TBC1D19: variants seen among roughly 807,000 people sequenced by gnomAD.
TBC1D19 encodes TBC1 domain family, member 19.
A neutral mutation model predicts 89.0 loss-of-function variants in TBC1D19; 60 were observed. The observed-to-expected ratio is 0.67, with a 90% CI of 0.55 to 0.84. The LOEUF is 0.84. Among genes scored for constraint, TBC1D19 ranks in the 40% least tolerant of loss-of-function variants. The probability of loss-of-function intolerance (pLI) is 0.00; values close to 1 mark genes in which losing one functional copy is unlikely to be tolerated. For missense variants in TBC1D19, 500 were observed against 610.8 expected (o/e 0.82, Z 1.91); for synonymous variants, 189 against 199.7 (o/e 0.95, Z 0.45).
chr4:26,667,148 A>G (rs1389692893), intron 9 of TBC1D19, among the ~76,000 whole-genome samples: 2 of 152,004 alleles, frequency 1.3e-5, no homozygotes, highest in Non-Finnish European at 2.9e-5. Flanking sequence ...CATTGGGCAC[A>G]TACTATATGT....
intron 15 of TBC1D19, among the ~76,000 whole-genome samples, chr4:26,730,327 A>T (rs1423187868): frequency 2.0e-5 from 3 of 152,232 alleles, no homozygotes; most frequent in African/African-American, 7.2e-5. Context: ...ATAAAAAATT[A>T]TTAAAAGACA....
chr4:26,656,569 T>C (rs1216237834), intron 7 of TBC1D19, among the ~76,000 whole-genome samples: 1 of 152,142 alleles, frequency 6.6e-6, no homozygotes, highest in Admixed American at 6.6e-5. Context: ...TCTGCTTTTT[T>C]TTTTTTTGAG....
At chr4:26,786,777 A>C in the TBC1D19 span, among the ~76,000 whole-genome samples, 2 of 149,276 alleles carry the variant, frequency 1.3e-5, no homozygotes, top group East Asian at 4.0e-4. Flanking sequence ...GGATGGATGG[A>C]TGGATGGATG....
At chr4:26,627,627 T>G (rs1265326501) in intron 4 of TBC1D19, among the ~76,000 whole-genome samples, 4 of 152,036 alleles carry the variant, frequency 2.6e-5, no homozygotes, top group Admixed American at 1.3e-4. Context: ...GATTTGCATT[T>G]CTCTGATGGC....
intron 11 of TBC1D19, among the ~76,000 whole-genome samples, chr4:26,683,445 AC>A (rs1713533238): frequency 6.6e-6 from 1 of 152,226 alleles, no homozygotes; most frequent in South Asian, 2.1e-4. Context: ...ATTATAGTTA[AC>A]TTAGCAAATA....
intron 1 of TBC1D19, among the ~76,000 whole-genome samples, chr4:26,596,957 A>C (rs260948): frequency 0.38 from 57,340 of 151,932 alleles, 11,822 homozygotes; most frequent in Non-Finnish European, 0.47. Flanking sequence ...GATTTGCTTG[A>C]TTTGCTAAGG....
At chr4:26,747,219 G>A (rs1368195966) in intron 18 of TBC1D19, among the ~76,000 whole-genome samples, 1 of 152,134 alleles carries the variant, frequency 6.6e-6, no homozygotes, top group Non-Finnish European at 1.5e-5. Flanking sequence ...ATTGGTGGGT[G>A]GGGATGTGTG....
intron 15 of TBC1D19, among the ~76,000 whole-genome samples, chr4:26,733,079 T>C (rs1315662181): frequency 2.0e-5 from 3 of 152,190 alleles, no homozygotes; most frequent in African/African-American, 4.8e-5. Context: ...ATCTGTGTGC[T>C]AGAAGACTAG....
At chr4:26,705,232 T>A (rs542761572) in intron 13 of TBC1D19, among the ~76,000 whole-genome samples, 1 of 152,310 alleles carries the variant, frequency 6.6e-6, no homozygotes, top group East Asian at 1.9e-4. Context: ...ATTTGTGAGT[T>A]GACTTTTTAC....
At chr4:26,772,887 C>T in the TBC1D19 span, among the ~76,000 whole-genome samples, 1 of 152,106 alleles carries the variant, frequency 6.6e-6, no homozygotes, top group African/African-American at 2.4e-5. Context: ...TAGTTTCATT[C>T]CGTGTCTTTG....
intron 1 of TBC1D19, among the ~76,000 whole-genome samples, chr4:26,589,504 A>G (rs574563630): frequency 4.7e-4 from 72 of 152,232 alleles, no homozygotes; most frequent in African/African-American, 1.7e-3. Flanking sequence ...CAGTAGGTGC[A>G]GGAGTCATCT....
At chr4:26,639,957 T>C (rs764445295) in intron 6 of TBC1D19, among the ~76,000 whole-genome samples, 184 bp from the exon 7 acceptor site, 1 of 152,214 alleles carries the variant, frequency 6.6e-6, no homozygotes, top group East Asian at 1.9e-4. Context: ...TCATCTAGGA[T>C]GTTAAGGGCA....
intron 9 of TBC1D19, among the ~76,000 whole-genome samples, chr4:26,668,986 T>TACACACACACACACAC (rs3839171): frequency 1.4e-5 from 2 of 146,912 alleles, no homozygotes; most frequent in African/African-American, 5.0e-5. Context: ...TTTAAATACA[T>TACACACACACACACAC]ACACACACAC....
intron 1 of TBC1D19, among the ~76,000 whole-genome samples, chr4:26,586,561 A>AT (rs148203866): frequency 6.6e-6 from 1 of 152,086 alleles, no homozygotes; most frequent in African/African-American, 2.4e-5. Flanking sequence ...GAGAATCGAG[A>AT]TTTTTAGCAA....
chr4:26,725,873 T>C (rs1717280228), intron 15 of TBC1D19, among the ~76,000 whole-genome samples: 1 of 151,992 alleles, frequency 6.6e-6, no homozygotes, highest in South Asian at 2.1e-4. Context: ...GTAAACATTA[T>C]TGAATAAGTG....
At chr4:26,614,813 G>A (rs1246565621) in intron 3 of TBC1D19, among the ~76,000 whole-genome samples, 1 of 152,042 alleles carries the variant, frequency 6.6e-6, no homozygotes, top group Non-Finnish European at 1.5e-5. Context: ...AAGTTGCTGG[G>A]ATTACAGGCC....
the TBC1D19 span, among the ~76,000 whole-genome samples, chr4:26,823,047 TG>T: frequency 6.6e-6 from 1 of 152,172 alleles, no homozygotes; most frequent in South Asian, 2.1e-4. Flanking sequence ...TACCCAAGAC[TG>T]GGCAATTTAC....
the TBC1D19 span, among the ~76,000 whole-genome samples, chr4:26,853,757 G>A: frequency 6.6e-6 from 1 of 152,104 alleles, no homozygotes; most frequent in East Asian, 1.9e-4. Flanking sequence ...GGCTGGGCTC[G>A]AACTCCTGAC....
intron 19 of TBC1D19, 70 bp from the exon 20 acceptor site, chr4:26,753,750 A>G: frequency 1.3e-6 from 2 of 1,556,642 alleles, no homozygotes; most frequent in Non-Finnish European, 8.8e-7. Flanking sequence ...GATTTTGGGC[A>G]TAGCATAGCA....
Sources: gnomAD v4.1 joint callset for allele counts (sites outside exome capture counted in the v4.1 genomes callset) on GRCh38, gnomAD v4.1.1 for gene constraint, MANE v1.5 for transcripts, NCBI Gene and HGNC (gene_info 2026-07-23, HGNC 2026-07-21) for gene names.